KLHL41: variants seen among roughly 807,000 people sequenced by gnomAD.
KLHL41 encodes kelch-like protein 41.
In KLHL41, 31 loss-of-function variants were observed where a neutral mutation model predicts 49.2. The observed-to-expected ratio is 0.63, with a 90% CI of 0.47 to 0.85. The LOEUF (loss-of-function observed/expected upper bound fraction) is 0.85. Ranked by LOEUF, KLHL41 falls within the 40% of genes least tolerant of loss-of-function variation. The pLI is 0.00. For synonymous variants in KLHL41, 218 were observed against 258.5 expected (o/e 0.84, Z 1.50); for missense variants, 663 against 726.7 (o/e 0.91, Z 1.01).
chr2:169,525,734 G>A lies in KLHL41; in HGVS notation c.*38G>A. ...AACATAATAGATTGGGAGGTGGTTT[G>A]TTTGGTGAATGGGGCTTTAATTTAT... On this transcript the variant is annotated 3_prime_UTR_variant, in exon 6 of 6. Transcript: ENST00000284669. 8.3e-7 allele frequency: 1 copy of A among 1,199,656 alleles called. No individual in the cohort carries two copies. Among genetic ancestry groups the A allele is most frequent in the East Asian group, 2.3e-5 (1 of 42,764 alleles). 74.3% of individuals were successfully genotyped at this position (1,199,656 alleles called of 1,614,324 possible).
chr2:169,525,119 T>C (rs1684282027), intron 5 of KLHL41, among the ~76,000 whole-genome samples: 1 of 152,038 alleles, frequency 6.6e-6, no homozygotes, highest in African/African-American at 2.4e-5. Flanking sequence ...GGGAACAAAT[T>C]TTCATAAAGT....
Position 169,510,728 on chromosome 2 carries a change from A to G in KLHL41, c.950A>G (p.Tyr317Cys). ...LLVNDTAAVA[Y>C]DPTENECYLT... Reference sequence around the variant, plus strand: ...GTTAATGACACAGCAGCAGTGGCTTATGACCCCACGGAAAATGAATGCTAC... The same window carrying G: ...GTTAATGACACAGCAGCAGTGGCTTGTGACCCCACGGAAAATGAATGCTAC... The change falls in exon 1 of 6, where the codon TAT becomes TGT. Residue 317 changes from tyrosine (Y) to cysteine (C), a missense_variant. By Grantham distance (194) the Tyr-to-Cys change is radical (BLOSUM62 -2). This residue lies in a region of KLHL41 where 528 missense variants were observed against 581.0 expected (regional missense o/e 0.91). Transcript: ENST00000284669. The surrounding 1 kb of genome is among the most constrained non-coding windows in gnomAD (Gnocchi z 4.2). 1 of 1,614,226 alleles carries G rather than the reference A, an allele frequency of 6.2e-7. No individual in the cohort carries two copies. The highest frequency in any genetic ancestry group is 8.5e-7 in the Non-Finnish European group (1 of 1,180,044).
chr2:169,514,337 C>A (rs1413890663), intron 1 of KLHL41: 3 of 376,708 alleles, frequency 8.0e-6, no homozygotes, highest in Non-Finnish European at 1.4e-5. Context: ...TTTATTTTTT[C>A]TTTTCTTGAA....
rs1684149353 is a variant in KLHL41 at position 169,518,393 on chromosome 2, A to C, written c.1562+18A>C. The C allele has an allele frequency of 1.3e-6, 2 of 1,553,722 alleles. No individual in the cohort carries two copies. Among genetic ancestry groups the C allele is most frequent in the Non-Finnish European group, 1.8e-6 (2 of 1,136,474 alleles). On this transcript the variant is annotated intron_variant, in intron 4 of 5. Coordinates refer to ENST00000284669, the MANE Select transcript of KLHL41 (RefSeq NM_006063.3). ...ACAAATAAGTGAGTTGCCACATCTTAGTATATAGCATGTGAACAACTATAC... is the reference window on the plus strand; with the variant it reads ...ACAAATAAGTGAGTTGCCACATCTTCGTATATAGCATGTGAACAACTATAC...
rs11384512 is a variant in KLHL41 at position 169,519,651 on chromosome 2, CT to C, written c.1563-1193del. 5.2e-3 allele frequency among the ~76,000 whole-genome samples: 725 copies of C among 138,444 alleles called. 5 individuals are homozygous for C. The highest frequency in any genetic ancestry group is 0.015 in the African/African-American group (566 of 37,710). The allele number at this position is 138,444 out of a possible 152,430, so 90.8% of individuals were successfully genotyped here. On this transcript the variant is annotated intron_variant, in intron 4 of 5. Transcript: ENST00000284669. The stretch of plus-strand genomic sequence containing the variant: ...TCTGTACTTTCCAGATTTTCTCAAA[CT>C]TTTTTTTTTTTTTTTTGAGACAGGG...
rs1684191299 is a variant in KLHL41, at chr2:169,520,842, T to G, written c.1563-19T>G. ...ATTTCTTTAAGTTTTACATTGACTA[T>G]ATTTTTAATGATACCTAGATGGGAT... On this transcript the variant is annotated intron_variant, in intron 4 of 5. Coordinates refer to ENST00000284669, the MANE Select transcript of KLHL41 (RefSeq NM_006063.3). 7.0e-6 allele frequency: 11 copies of G among 1,564,660 alleles called. No individual in the cohort carries two copies. The highest frequency in any genetic ancestry group is 8.7e-6 in the Non-Finnish European group (10 of 1,143,686).
At position 169,510,260 on chromosome 2, in the gene KLHL41, G is replaced by C. The variant is rs574677620; in HGVS notation, c.482G>C (p.Arg161Pro). 6.2e-7 allele frequency: 1 copy of C among 1,613,846 alleles called. No individual in the cohort carries two copies. The highest frequency in any genetic ancestry group is 8.5e-7 in the Non-Finnish European group (1 of 1,180,016). Residue 161 changes from arginine to proline, a missense_variant, in exon 1 of 6, where the codon CGC becomes CCC. By Grantham distance (103) the Arg-to-Pro change is moderately radical (BLOSUM62 -2). Around this residue, in one of 3 missense-constraint regions of KLHL41, gnomAD observed 528 missense variants for 581.0 expected, o/e 0.91. Transcript: ENST00000284669. This position sits in a 1 kb window ranked among gnomAD's most constrained non-coding sequence, Gnocchi z 4.2. ...AISAREFVSD[R>P]FVQICKEEDF... is the part of the protein sequence containing the mutation. Reference sequence around the variant, plus strand: ...TCTGCCCGTGAATTTGTGTCTGATCGCTTTGTACAGATTTGTAAGGAAGAG... The same window carrying C: ...TCTGCCCGTGAATTTGTGTCTGATCCCTTTGTACAGATTTGTAAGGAAGAG...
At chr2:169,513,694 A>G (rs927077526) in intron 1 of KLHL41, among the ~76,000 whole-genome samples, 11 of 152,190 alleles carry the variant, frequency 7.2e-5, no homozygotes, top group African/African-American at 2.7e-4. Flanking sequence ...TATTTTTGCA[A>G]TCTAGAAGTG....
rs1684144205 is a variant in KLHL41, at chr2:169,518,221, C to T, written c.1408C>T (p.Pro470Ser). ...TACAAACAGGGTGTTTATCTTCAACCCCAAAAAAGGAGATTGGAAAGATCT... is the reference window on the plus strand; with the variant it reads ...TACAAACAGGGTGTTTATCTTCAACTCCAAAAAAGGAGATTGGAAAGATCT... ...KCTNRVFIFN[P>S]KKGDWKDLAP... Residue 470 changes from proline (P) to serine (S), a missense_variant, in exon 4 of 6, where the codon CCC (proline) becomes TCC (serine). Physicochemically the swap from Pro to Ser is moderately conservative, Grantham distance 74. Transcript: ENST00000284669. 6.2e-7 allele frequency: 1 copy of T among 1,613,032 alleles called. No individual in the cohort carries two copies. Among genetic ancestry groups the T allele is most frequent in the African/African-American group, 1.3e-5 (1 of 74,872 alleles).
At chr2:169,513,361 A>C (rs1684059976) in intron 1 of KLHL41, among the ~76,000 whole-genome samples, 1 of 152,218 alleles carries the variant, frequency 6.6e-6, no homozygotes, top group South Asian at 2.1e-4. Flanking sequence ...ATTTAGTTCA[A>C]AGACTATGAC....
chr2:169,514,413 A>G (rs2105309599), intron 1 of KLHL41, 161 bp from the exon 2 acceptor site: 1 of 488,086 alleles, frequency 2.0e-6, no homozygotes, highest in East Asian at 3.3e-5. Flanking sequence ...CTTGGTAATT[A>G]TGAGCTACAA....
At position 169,525,855 on chromosome 2, in the gene KLHL41, T is replaced by A. The variant is rs1348240436; in HGVS notation, c.*159T>A. 2.1e-6 allele frequency: 1 copy of A among 486,482 alleles called. No homozygotes were observed. The highest frequency in any genetic ancestry group is 1.9e-5 in the African/African-American group (1 of 51,352). The allele number at this position is 486,482 out of a possible 1,614,324, so 30.1% of individuals were successfully genotyped here. ...CAGTAGGTAAGAAAACCTCAGTCATTGACTCTTCAATGTAATGATCAGAGT... is the reference window on the plus strand; with the variant it reads ...CAGTAGGTAAGAAAACCTCAGTCATAGACTCTTCAATGTAATGATCAGAGT... On this transcript the variant is annotated 3_prime_UTR_variant, in exon 6 of 6. Coordinates refer to ENST00000284669, the MANE Select transcript of KLHL41 (RefSeq NM_006063.3).
chr2:169,516,094 C>G (rs956186336), intron 3 of KLHL41, among the ~76,000 whole-genome samples: 5 of 152,132 alleles, frequency 3.3e-5, no homozygotes, highest in African/African-American at 1.2e-4. Context: ...ATGGTGAGAA[C>G]TAATATTCTG....
At chr2:169,525,551 C>A (rs767453707) in intron 5 of KLHL41, 34 bp from the exon 6 acceptor site, 2 of 1,285,640 alleles carry the variant, frequency 1.6e-6, no homozygotes, top group Non-Finnish European at 2.3e-6. Context: ...GGAACTAAAG[C>A]TGCTTATTGA....
At chr2:169,511,197 G>A (rs905990872) in intron 1 of KLHL41, among the ~76,000 whole-genome samples, 1 of 152,134 alleles carries the variant, frequency 6.6e-6, no homozygotes, top group Non-Finnish European at 1.5e-5. Flanking sequence ...TCAAAGCCCA[G>A]TATTTTAGTA....
chr2:169,516,808 G>T, intron 3 of KLHL41, among the ~76,000 whole-genome samples: 1 of 152,148 alleles, frequency 6.6e-6, no homozygotes, highest in East Asian at 1.9e-4. Flanking sequence ...GATCACCTGA[G>T]GTCGGGAATT....
chr2:169,518,154 A>C, intron 3 of KLHL41, 36 bp from the exon 4 acceptor site: 1 of 1,521,532 alleles, frequency 6.6e-7, no homozygotes, highest in Non-Finnish European at 9.0e-7. Context: ...TGTCAAAAAA[A>C]GGTTCTAAAA....
intron 3 of KLHL41, among the ~76,000 whole-genome samples, chr2:169,516,879 G>A (rs190348843): frequency 5.6e-4 from 85 of 152,170 alleles, no homozygotes; most frequent in Non-Finnish European, 1.0e-3. Context: ...AAATTAACCG[G>A]GCGTGGTGCC....
At chr2:169,511,948 A>G (rs575215743) in intron 1 of KLHL41, among the ~76,000 whole-genome samples, 143 of 152,320 alleles carry the variant, frequency 9.4e-4, no homozygotes, top group African/African-American at 3.2e-3. Flanking sequence ...CATAATGCCA[A>G]TACCGAAACT....
Sources: gnomAD v4.1 joint callset for allele counts (sites outside exome capture counted in the v4.1 genomes callset) on GRCh38, gnomAD v4.1.1 for gene constraint, gnomAD v4.1.1 regional missense constraint, Gnocchi (gnomAD v3.1) non-coding constraint, MANE v1.5 for transcripts, NCBI Gene and HGNC (gene_info 2026-07-23, HGNC 2026-07-21) for gene names.